The following TLN2 variants were observed in gnomAD, a reference collection of about 807,000 sequenced individuals.
TLN2 encodes the protein talin-2.
A neutral mutation model predicts 294.7 loss-of-function variants in TLN2; 118 were observed. That is an observed-to-expected ratio of 0.40 (90% CI 0.34 to 0.47). The LOEUF (loss-of-function observed/expected upper bound fraction) is 0.47. Among genes scored for constraint, TLN2 ranks in the 20% least tolerant of loss-of-function variants. The probability of loss-of-function intolerance (pLI) is 0.84; values close to 1 mark genes in which losing one functional copy is unlikely to be tolerated. For missense variants in TLN2, 3,083 were observed against 3,282.2 expected (o/e 0.94, Z 1.48); for synonymous variants, 1,431 against 1,304.5 (o/e 1.10, Z -2.09).
In TLN2 at chr15:62,653,748, T is replaced by TAA. The variant is rs36124921; in HGVS notation, c.517+445_517+446dup. ...TCTCAAAAAATAAATAAATAAAAAT[T>TAA]AAAAAAAAAAAAGTAATTGTAATAC... On this transcript the variant is annotated intron_variant, in intron 7 of 58. Coordinates refer to ENST00000636159, the MANE Select transcript of TLN2 (RefSeq NM_015059.3). Among the ~76,000 whole-genome samples the TAA allele has an allele frequency of 9.1e-4, 123 of 135,360 alleles. 1 individual carries two copies. The East Asian group carries it at 9.3e-3, about 10-fold the overall frequency. 88.8% of individuals were successfully genotyped at this position (135,360 alleles called of 152,430 possible). A position where few individuals can be genotyped will look rare whatever the true frequency, so the allele number is the denominator to read the frequency against.
chr15:62,755,645 A>C lies in TLN2; in HGVS notation c.4590A>C (p.Ser1530=). The part of the protein sequence containing the change: ...NPVAKRHFVQ[S]AKEVANSTAN... ...TAGCCAAGAGGCACTTCGTCCAGTC[A>C]GCCAAGGAAGTCGCCAACAGCACTG... Residue 1530 remains serine, a synonymous_variant, in exon 37 of 59, where the codon TCA becomes TCC. Coordinates refer to ENST00000636159, the MANE Select transcript of TLN2 (RefSeq NM_015059.3). The C allele has an allele frequency of 6.2e-7, 1 of 1,614,276 alleles. No individual in the cohort carries two copies.
chr15:62,526,474 C>T (rs573132604), intron 1 of TLN2, among the ~76,000 whole-genome samples: 7 of 152,268 alleles, frequency 4.6e-5, no homozygotes, highest in South Asian at 2.1e-4. Context: ...ACTTCGCTTC[C>T]GCATCTCCTC....
At chr15:62,496,977 G>T (rs2039047987) in intron 1 of TLN2, among the ~76,000 whole-genome samples, 1 of 152,166 alleles carries the variant, frequency 6.6e-6, no homozygotes, top group Non-Finnish European at 1.5e-5. Flanking sequence ...GTAGTCTCCA[G>T]TCGTGCCTCC....
intron 26 of TLN2, among the ~76,000 whole-genome samples, chr15:62,724,391 A>G (rs2060322873): frequency 6.6e-6 from 1 of 152,248 alleles, no homozygotes; most frequent in Admixed American, 6.5e-5. Flanking sequence ...TTATATGTGC[A>G]TGTGTATATT....
intron 52 of TLN2, among the ~76,000 whole-genome samples, chr15:62,814,196 CA>C (rs1403322761): frequency 6.6e-6 from 1 of 151,814 alleles, no homozygotes; most frequent in African/African-American, 2.4e-5. Context: ...CAGTAGAAGG[CA>C]GGAAAAAAAC....
chr15:62,461,715 C>T (rs982544105), intron 1 of TLN2, among the ~76,000 whole-genome samples: 2 of 152,112 alleles, frequency 1.3e-5, no homozygotes, highest in African/African-American at 4.8e-5. Context: ...GACATTTCAG[C>T]GAGGGCTTGA....
intron 1 of TLN2, among the ~76,000 whole-genome samples, chr15:62,585,633 C>T (rs1026791509): frequency 9.9e-5 from 15 of 152,214 alleles, no homozygotes; most frequent in Admixed American, 3.3e-4. Flanking sequence ...CCAGAAAAGG[C>T]GCATCATGGG....
intron 32 of TLN2, among the ~76,000 whole-genome samples, chr15:62,741,224 G>C (rs2061305317): frequency 6.6e-6 from 1 of 152,182 alleles, no homozygotes; most frequent in Non-Finnish European, 1.5e-5. Flanking sequence ...GTGTTAGATT[G>C]AATGTAACAT....
At chr15:62,550,238 A>G (rs1438168895) in intron 1 of TLN2, among the ~76,000 whole-genome samples, 1 of 152,204 alleles carries the variant, frequency 6.6e-6, no homozygotes, top group Non-Finnish European at 1.5e-5. Context: ...AACAGAGCAT[A>G]CTTACAACAG....
intron 44 of TLN2, among the ~76,000 whole-genome samples, chr15:62,782,715 C>T (rs563178012): frequency 3.3e-5 from 5 of 152,364 alleles, no homozygotes; most frequent in African/African-American, 9.6e-5. Flanking sequence ...TTGGCGGCCA[C>T]ATCTCAGCCT....
At chr15:62,517,806 G>A (rs137954702) in intron 1 of TLN2, among the ~76,000 whole-genome samples, 1 of 152,256 alleles carries the variant, frequency 6.6e-6, no homozygotes, top group Non-Finnish European at 1.5e-5. Flanking sequence ...AAGTCTGTTT[G>A]TCTCTTTCTT....
intron 1 of TLN2, among the ~76,000 whole-genome samples, chr15:62,479,478 T>A (rs930798274): frequency 6.6e-6 from 1 of 152,118 alleles, no homozygotes; most frequent in East Asian, 1.9e-4. Context: ...TCTTTGTCTT[T>A]ATTTTTATTT....
rs1274879170 is a variant in TLN2 at position 62,392,205 on chromosome 15, A to AGGGTCCCC, written c.-238+1520_-238+1521insGGGTCCCC. Among the ~76,000 whole-genome samples the AGGGTCCCC allele has an allele frequency of 7.9e-5, 12 of 152,298 alleles. No individual in the cohort carries two copies. In the East Asian group the frequency reaches 2.1e-3, roughly 27 times the overall value. ...GGGGCTTCAGGTGACGCGTGGGGAA[A>AGGGTCCCC]CTTGGATTCTTGCTGTCCTTGAAGA... is the stretch of plus-strand genomic sequence containing the variant. On this transcript the variant is annotated intron_variant, in intron 1 of 58. Coordinates refer to ENST00000636159, the MANE Select transcript of TLN2 (RefSeq NM_015059.3).
intron 1 of TLN2, among the ~76,000 whole-genome samples, chr15:62,401,336 C>A (rs1035785555): frequency 2.0e-5 from 3 of 152,160 alleles, no homozygotes; most frequent in African/African-American, 7.2e-5. Context: ...ATCACCCAGG[C>A]TGGAGTGCCA....
At chr15:62,442,813 G>A (rs1393753742) in intron 1 of TLN2, among the ~76,000 whole-genome samples, 1 of 152,252 alleles carries the variant, frequency 6.6e-6, no homozygotes, top group South Asian at 2.1e-4. Context: ...GAGTTCAGAA[G>A]TCCTAAACTC....
intron 1 of TLN2, among the ~76,000 whole-genome samples, chr15:62,580,952 C>T (rs146076251): frequency 4.0e-5 from 6 of 150,126 alleles, no homozygotes; most frequent in East Asian, 3.9e-4. Flanking sequence ...GACAGGATCT[C>T]GGCTCTCAGC....
In TLN2 at chr15:62,610,999, A is replaced by T. The variant is rs191398741; in HGVS notation, c.-161-7352A>T. On this transcript the variant is annotated intron_variant, in intron 2 of 58. Transcript: ENST00000636159. The stretch of plus-strand genomic sequence containing the variant: ...GGGCCACCATGGCACCCCCTCCTGC[A>T]TCCCTTCCTGGCACCTGCCTGATAT... 2.4e-4 allele frequency among the ~76,000 whole-genome samples: 36 copies of T among 152,200 alleles called. No individual in the cohort carries two copies. The East Asian group carries it at 3.5e-3, about 15-fold the overall frequency.
rs777711163 is a variant in TLN2, at chr15:62,771,151, C to T, written c.5367+17C>T. The T allele has an allele frequency of 3.0e-5, 48 of 1,592,502 alleles. 1 individual carries two copies. Among genetic ancestry groups the T allele is most frequent in the Admixed American group, 8.5e-5 (5 of 59,004 alleles). ...AACCCCAAGGTATGGTCCAGGATAT[C>T]GGGGACTCACTTAGGACCACTAAGA... On this transcript the variant is annotated intron_variant, in intron 42 of 58. Transcript: ENST00000636159.
At chr15:62,633,453 T>A (rs1430824172) in intron 3 of TLN2, among the ~76,000 whole-genome samples, 1 of 152,150 alleles carries the variant, frequency 6.6e-6, no homozygotes, top group Non-Finnish European at 1.5e-5. Context: ...CACACCACCA[T>A]GCCCAGCTAG....
Sources: gnomAD v4.1 joint callset for allele counts (sites outside exome capture counted in the v4.1 genomes callset) on GRCh38, gnomAD v4.1.1 for gene constraint, MANE v1.5 for transcripts, NCBI Gene and HGNC (gene_info 2026-07-23, HGNC 2026-07-21) for gene names.